ERC2: variants seen among roughly 807,000 people sequenced by gnomAD.
The protein encoded by ERC2 is ELKS/RAB6-interacting/CAST family member 2.
A neutral mutation model predicts 114.8 loss-of-function variants in ERC2; 42 were observed. That is an observed-to-expected ratio of 0.37 (90% CI 0.29 to 0.47). The LOEUF is 0.47. Ranked by LOEUF, ERC2 falls within the 20% of genes least tolerant of loss-of-function variation. ERC2 has a pLI of 0.99. For synonymous variants in ERC2, 454 were observed against 425.5 expected (o/e 1.07, Z -0.82); for missense variants, 939 against 1,150.7 (o/e 0.82, Z 2.66).
intron 3 of ERC2, among the ~76,000 whole-genome samples, chr3:56,244,638 G>C (rs1183784297): frequency 6.6e-6 from 1 of 151,992 alleles, no homozygotes; most frequent in Non-Finnish European, 1.5e-5. Context: ...AAAATTAACA[G>C]AAAAAAGTTC....
intron 1 of ERC2, among the ~76,000 whole-genome samples, chr3:56,463,510 A>T (rs2063409722): frequency 6.6e-6 from 1 of 152,152 alleles, no homozygotes. Flanking sequence ...CTCAGACAAA[A>T]TTGGGGTTCT....
chr3:55,832,399 C>T (rs1175927761), intron 14 of ERC2, among the ~76,000 whole-genome samples: 1 of 152,206 alleles, frequency 6.6e-6, no homozygotes, highest in Non-Finnish European at 1.5e-5. Flanking sequence ...GGGTACTCCT[C>T]TGAGACAAAA....
At chr3:55,550,831 A>G (rs1312147780) in intron 17 of ERC2, among the ~76,000 whole-genome samples, 2 of 152,238 alleles carry the variant, frequency 1.3e-5, no homozygotes, top group South Asian at 2.1e-4. Flanking sequence ...CCTGGCTAAC[A>G]CGGTGAAACC....
chr3:56,345,283 T>C (rs569616399), intron 2 of ERC2, among the ~76,000 whole-genome samples: 12 of 152,198 alleles, frequency 7.9e-5, no homozygotes, highest in Non-Finnish European at 1.8e-4. Context: ...ACAGCTTTTA[T>C]TGACCATCTA....
At chr3:56,167,150 G>A (rs535553675) in intron 4 of ERC2, among the ~76,000 whole-genome samples, 9 of 152,194 alleles carry the variant, frequency 5.9e-5, no homozygotes, top group African/African-American at 1.9e-4. Flanking sequence ...AAAGCATTCT[G>A]TCTTCTTCTC....
At chr3:56,376,953 T>C (rs2059569342) in intron 2 of ERC2, among the ~76,000 whole-genome samples, 1 of 152,152 alleles carries the variant, frequency 6.6e-6, no homozygotes, top group Non-Finnish European at 1.5e-5. Context: ...TTAGCCAGAT[T>C]CGGTTTTTCA....
chr3:56,130,357 T>C (rs1309066841), intron 6 of ERC2, among the ~76,000 whole-genome samples: 3 of 152,218 alleles, frequency 2.0e-5, no homozygotes, highest in African/African-American at 4.8e-5. Context: ...ACCCATCACA[T>C]TGGTGTTCAG....
intron 3 of ERC2, among the ~76,000 whole-genome samples, chr3:56,252,756 T>TTAAAAAA (rs2052255256): frequency 3.1e-5 from 1 of 32,592 alleles, no homozygotes; most frequent in African/African-American, 1.4e-4. Context: ...AAACTCTGTC[T>TTAAAAAA]CAAAAAAAAA....
chr3:56,232,309 A>G (rs1377409275), intron 3 of ERC2, among the ~76,000 whole-genome samples: 4 of 151,916 alleles, frequency 2.6e-5, no homozygotes, highest in African/African-American at 9.7e-5. Context: ...CCAAAATAAG[A>G]AACAAAAATC....
intron 3 of ERC2, among the ~76,000 whole-genome samples, chr3:56,199,383 G>GT (rs1162528760): frequency 2.6e-5 from 4 of 152,076 alleles, no homozygotes; most frequent in Admixed American, 1.3e-4. Context: ...AAACTGACAG[G>GT]TAAGTGTTCT....
At chr3:55,925,570 G>A (rs996121022) in intron 13 of ERC2, among the ~76,000 whole-genome samples, 1 of 152,228 alleles carries the variant, frequency 6.6e-6, no homozygotes, top group Middle Eastern at 3.4e-3. Flanking sequence ...CTGGACAACT[G>A]GGCAGATGCC....
chr3:55,618,270 G>A (rs2059200601), intron 17 of ERC2, among the ~76,000 whole-genome samples: 1 of 152,106 alleles, frequency 6.6e-6, no homozygotes, highest in African/African-American at 2.4e-5. Context: ...AGTACAGAGA[G>A]GTGGTGCCAT....
intron 4 of ERC2, among the ~76,000 whole-genome samples, chr3:56,150,384 T>C (rs1388143977): frequency 1.3e-5 from 2 of 152,294 alleles, no homozygotes; most frequent in Admixed American, 1.3e-4. Context: ...GTTATTATCA[T>C]TAACATTGTC....
intron 2 of ERC2, among the ~76,000 whole-genome samples, chr3:56,334,466 A>AT (rs1207302963): frequency 1.3e-5 from 2 of 152,104 alleles, no homozygotes; most frequent in Non-Finnish European, 2.9e-5. Context: ...ATACATCCTC[A>AT]TTTTGCTTGG....
intron 17 of ERC2, among the ~76,000 whole-genome samples, chr3:55,524,318 G>A (rs1278632278): frequency 6.6e-6 from 1 of 152,118 alleles, no homozygotes; most frequent in Non-Finnish European, 1.5e-5. Flanking sequence ...ACAGTAAAGA[G>A]AGAACACATC....
At chr3:56,059,733 T>C (rs1560104610) in intron 7 of ERC2, among the ~76,000 whole-genome samples, 1 of 152,236 alleles carries the variant, frequency 6.6e-6, no homozygotes, top group Non-Finnish European at 1.5e-5. Flanking sequence ...TGTGCTTCAA[T>C]AGAAAATAAA....
chr3:55,579,257 T>C lies in ERC2; in HGVS notation c.*40-67981A>G, dbSNP rs115857046. Among the ~76,000 whole-genome samples, 1,484 of 152,290 alleles carry C rather than the reference T, an allele frequency of 9.7e-3. 18 individuals are homozygous for C. The highest frequency in any genetic ancestry group is 0.034 in the African/African-American group (1,417 of 41,540). On this transcript the variant is annotated intron_variant, in intron 17 of 17. Coordinates refer to ENST00000288221, the MANE Select transcript of ERC2 (RefSeq NM_015576.3). ...CTCAATGAGCACTTGCCATGCATCA[T>C]ACGCATTTTACCCATACTTTGTATA...
At chr3:56,318,762 C>T (rs1178454983) in intron 2 of ERC2, among the ~76,000 whole-genome samples, 1 of 151,018 alleles carries the variant, frequency 6.6e-6, no homozygotes, top group African/African-American at 2.4e-5. Flanking sequence ...TATCATTTCA[C>T]GTCTATTAGG....
chr3:56,052,664 C>T (rs1162457780), intron 7 of ERC2, among the ~76,000 whole-genome samples: 2 of 152,086 alleles, frequency 1.3e-5, no homozygotes, highest in Admixed American at 6.5e-5. Flanking sequence ...ACACCTATCC[C>T]AGAAGGTAGT....
Sources: allele counts gnomAD v4.1 joint callset (sites outside exome capture counted in the v4.1 genomes callset), GRCh38; gene constraint gnomAD v4.1.1; transcripts MANE v1.5; gene names NCBI Gene and HGNC (gene_info 2026-07-23, HGNC 2026-07-21).